The following SPHKAP variants were observed in gnomAD, a reference collection of about 807,000 sequenced individuals.
SPHKAP encodes A-kinase anchor protein SPHKAP.
In SPHKAP, 67 loss-of-function variants were observed where a neutral mutation model predicts 137.5. The ratio of observed to expected loss-of-function variants is 0.49; its 90% CI spans 0.40 to 0.60. The LOEUF is 0.60. Among genes scored for constraint, SPHKAP ranks in the 20% least tolerant of loss-of-function variants. The pLI is 0.00. For synonymous variants in SPHKAP, 813 were observed against 785.3 expected (o/e 1.04, Z -0.59); for missense variants, 2,097 against 2,069.3 (o/e 1.01, Z -0.26).
chr2:228,068,364 G>GA (rs142931704), intron 3 of SPHKAP, among the ~76,000 whole-genome samples: 7,945 of 144,848 alleles, frequency 0.055, 237 homozygotes, highest in South Asian at 0.09. Flanking sequence ...CACAGAAATA[G>GA]AAAAAAAAAA....
chr2:228,145,820 T>C (rs1435445699), intron 1 of SPHKAP, among the ~76,000 whole-genome samples: 1 of 152,134 alleles, frequency 6.6e-6, no homozygotes, highest in East Asian at 1.9e-4. Flanking sequence ...ACTGAAAGAA[T>C]GTACCTAAAA....
At chr2:228,131,090 G>A (rs1699235149) in intron 2 of SPHKAP, among the ~76,000 whole-genome samples, 1 of 150,902 alleles carries the variant, frequency 6.6e-6, no homozygotes. Context: ...TGCTTAACTG[G>A]GTATACATAT....
At chr2:227,987,788 A>G (rs924042030) in intron 11 of SPHKAP, among the ~76,000 whole-genome samples, 1 of 152,200 alleles carries the variant, frequency 6.6e-6, no homozygotes, top group Admixed American at 6.5e-5. Context: ...TCCCTAGCAC[A>G]TACCTCCCTT....
chr2:228,059,840 A>G (rs1696576843), intron 3 of SPHKAP, among the ~76,000 whole-genome samples: 1 of 152,226 alleles, frequency 6.6e-6, no homozygotes. Flanking sequence ...TCTTAGTGCC[A>G]TCTGTGTTGA....
intron 3 of SPHKAP, among the ~76,000 whole-genome samples, chr2:228,033,859 C>G (rs901917368): frequency 6.6e-6 from 1 of 152,192 alleles, no homozygotes; most frequent in Non-Finnish European, 1.5e-5. Context: ...ATACCAGAAT[C>G]TCTGGGACAC....
rs183607382 is a variant in SPHKAP at position 228,121,196 on chromosome 2, T to C, written c.138+10784A>G. Among the ~76,000 whole-genome samples, 395 of 152,258 alleles carry C rather than the reference T, an allele frequency of 2.6e-3. 10 individuals carry two copies. The highest frequency in any genetic ancestry group is 0.024 in the Admixed American group (364 of 15,280). On this transcript the variant is annotated intron_variant, in intron 2 of 11. Coordinates refer to ENST00000392056, the MANE Select transcript of SPHKAP (RefSeq NM_001142644.2). ...ATCTCTTGAGTATTGGTGCATGCCT[T>C]TGGACTGTGGCAATTAAAATACAAG... is the stretch of plus-strand genomic sequence containing the variant.
chr2:228,029,744 T>C (rs1695207819), intron 3 of SPHKAP, among the ~76,000 whole-genome samples: 1 of 152,232 alleles, frequency 6.6e-6, no homozygotes, highest in Non-Finnish European at 1.5e-5. Flanking sequence ...AACTTTGCCC[T>C]TGGAAAACTA....
intron 3 of SPHKAP, among the ~76,000 whole-genome samples, chr2:228,095,001 A>G (rs960222636): frequency 2.0e-5 from 3 of 152,210 alleles, no homozygotes; most frequent in Admixed American, 6.5e-5. Context: ...CTGAAAACAC[A>G]TAGCCAGAAT....
At chr2:228,082,479 T>C (rs147549433) in intron 3 of SPHKAP, among the ~76,000 whole-genome samples, 25 of 152,240 alleles carry the variant, frequency 1.6e-4, no homozygotes, top group African/African-American at 5.5e-4. Flanking sequence ...AGGTGATAAG[T>C]GGGCAGAAAA....
intron 1 of SPHKAP, among the ~76,000 whole-genome samples, chr2:228,148,724 C>T (rs1375248416): frequency 6.6e-6 from 1 of 152,064 alleles, no homozygotes; most frequent in Non-Finnish European, 1.5e-5. Flanking sequence ...GGTTCAACTA[C>T]CCACATGGCT....
intron 2 of SPHKAP, among the ~76,000 whole-genome samples, chr2:228,115,164 C>T (rs1276548171): frequency 6.6e-6 from 1 of 152,136 alleles, no homozygotes; most frequent in Non-Finnish European, 1.5e-5. Context: ...TCCCATCAAT[C>T]ATTTTCCTTA....
At chr2:227,993,851 A>G (rs1227022745) in intron 8 of SPHKAP, among the ~76,000 whole-genome samples, 1 of 152,172 alleles carries the variant, frequency 6.6e-6, no homozygotes, top group Non-Finnish European at 1.5e-5. Flanking sequence ...TAATTTGTGA[A>G]TAATAATAAG....
intron 7 of SPHKAP, among the ~76,000 whole-genome samples, chr2:228,004,855 A>G (rs1026788975): frequency 1.3e-5 from 2 of 152,038 alleles, no homozygotes; most frequent in African/African-American, 4.8e-5. Flanking sequence ...GTTTCCATGT[A>G]GTTGATTGGT....
intron 3 of SPHKAP, among the ~76,000 whole-genome samples, chr2:228,067,746 A>G (rs1363316661): frequency 2.0e-5 from 3 of 152,226 alleles, no homozygotes; most frequent in African/African-American, 7.2e-5. Flanking sequence ...AGAGTTTTAT[A>G]TGAATTGTTT....
intron 4 of SPHKAP, among the ~76,000 whole-genome samples, 169 bp downstream of exon 4, chr2:228,027,315 A>C (rs2106230173): frequency 6.6e-6 from 1 of 152,334 alleles, no homozygotes; most frequent in East Asian, 1.9e-4. Context: ...CACAAATGTA[A>C]AAAGGGCAAA....
intron 2 of SPHKAP, among the ~76,000 whole-genome samples, chr2:228,123,898 A>T (rs1698992598): frequency 1.3e-5 from 2 of 152,330 alleles, no homozygotes; most frequent in East Asian, 1.9e-4. Context: ...AAAAAATGAA[A>T]CAACCCCATC....
At chr2:228,146,526 A>G (rs1027734710) in intron 1 of SPHKAP, among the ~76,000 whole-genome samples, 54 of 152,124 alleles carry the variant, frequency 3.5e-4, no homozygotes, top group Non-Finnish European at 1.0e-4. Context: ...CCCAGGTATT[A>G]AGCCCAGCAC....
chr2:227,999,672 T>G (rs747476861), intron 7 of SPHKAP, among the ~76,000 whole-genome samples: 9 of 152,256 alleles, frequency 5.9e-5, no homozygotes, highest in Admixed American at 1.3e-4. Context: ...ATGCTCTATT[T>G]AAAGTAAATC....
intron 1 of SPHKAP, among the ~76,000 whole-genome samples, chr2:228,136,307 G>C (rs1214985381): frequency 1.3e-5 from 2 of 152,174 alleles, no homozygotes; most frequent in Non-Finnish European, 2.9e-5. Flanking sequence ...AAACCGTTAA[G>C]TGTGTTTCAA....
Sources: allele counts gnomAD v4.1 joint callset (sites outside exome capture counted in the v4.1 genomes callset), GRCh38; gene constraint gnomAD v4.1.1; transcripts MANE v1.5; gene names NCBI Gene and HGNC (gene_info 2026-07-23, HGNC 2026-07-21).